ASTN1: variants seen among roughly 807,000 people sequenced by gnomAD.
The protein encoded by ASTN1 is astrotactin 1.
Under a neutral mutation model 140.7 loss-of-function variants are expected in ASTN1, and 41 were observed. The ratio of observed to expected loss-of-function variants is 0.29; its 90% confidence interval spans 0.23 to 0.38. ASTN1 has a LOEUF of 0.38. ASTN1 is among the 10% of genes least tolerant of loss of function. ASTN1 has a pLI of 1.00. For synonymous variants in ASTN1, 640 were observed against 652.2 expected (o/e 0.98, Z 0.29); for missense variants, 1,479 against 1,678.8 (o/e 0.88, Z 2.08).
At chr1:177,080,632 G>T (rs945731978) in intron 1 of ASTN1, among the ~76,000 whole-genome samples, 6 of 152,186 alleles carry the variant, frequency 3.9e-5, no homozygotes, top group African/African-American at 4.8e-5. Context: ...CATAGCTCCT[G>T]CCTCTTCAGT....
At chr1:177,075,858 T>C (rs909454112) in intron 1 of ASTN1, among the ~76,000 whole-genome samples, 1 of 151,806 alleles carries the variant, frequency 6.6e-6, no homozygotes, top group African/African-American at 2.4e-5. Flanking sequence ...CCCAGACTGG[T>C]CTCAAACTCC....
intron 6 of ASTN1, among the ~76,000 whole-genome samples, chr1:177,024,072 A>G (rs1198386026): frequency 1.3e-5 from 2 of 152,236 alleles, no homozygotes; most frequent in Admixed American, 6.5e-5. Flanking sequence ...TAAATGATTC[A>G]GGGACTCTCA....
intron 2 of ASTN1, among the ~76,000 whole-genome samples, chr1:177,042,765 T>C (rs940662650): frequency 2.0e-5 from 3 of 152,366 alleles, no homozygotes; most frequent in African/African-American, 7.2e-5. Context: ...ACATTAATGA[T>C]GTTGTTTTAT....
chr1:177,114,825 C>T (rs961121402), intron 1 of ASTN1, among the ~76,000 whole-genome samples: 1 of 152,180 alleles, frequency 6.6e-6, no homozygotes, highest in African/African-American at 2.4e-5. Context: ...ACAGTCAAAA[C>T]TCTCCTTTTG....
At chr1:177,029,572 CT>C in intron 5 of ASTN1, 61 bp downstream of exon 5, 6 of 1,538,056 alleles carry the variant, frequency 3.9e-6, no homozygotes, top group Non-Finnish European at 5.4e-6. Flanking sequence ...ACCTCTTCGC[CT>C]TCCCCCGCCT....
intron 1 of ASTN1, among the ~76,000 whole-genome samples, chr1:177,079,693 G>A (rs865839934): frequency 5.3e-5 from 8 of 151,932 alleles, no homozygotes; most frequent in Non-Finnish European, 1.0e-4. Flanking sequence ...GAGAACACAA[G>A]TACTACAAAG....
intron 7 of ASTN1, among the ~76,000 whole-genome samples, chr1:177,016,160 A>G (rs1392010182): frequency 6.6e-6 from 1 of 152,132 alleles, no homozygotes; most frequent in Non-Finnish European, 1.5e-5. Context: ...CCTGAGCAAG[A>G]GCTTTTTTTA....
intron 7 of ASTN1, among the ~76,000 whole-genome samples, chr1:177,019,980 A>G (rs1675742087): frequency 6.6e-6 from 1 of 152,178 alleles, no homozygotes; most frequent in Non-Finnish European, 1.5e-5. Flanking sequence ...GACCTCCCAG[A>G]CTCAGGCAAT....
intron 2 of ASTN1, among the ~76,000 whole-genome samples, chr1:177,047,513 G>A (rs1167148911): frequency 1.3e-5 from 2 of 152,178 alleles, no homozygotes; most frequent in South Asian, 4.1e-4. Context: ...TTCCACTAGG[G>A]AGAGGACATA....
At chr1:176,920,840 C>T (rs560605016) in intron 16 of ASTN1, among the ~76,000 whole-genome samples, 7 of 152,290 alleles carry the variant, frequency 4.6e-5, no homozygotes, top group Admixed American at 4.6e-4. Flanking sequence ...ACTCAATACA[C>T]CTTTTTGAAT....
intron 5 of ASTN1, among the ~76,000 whole-genome samples, chr1:177,028,704 A>T (rs1172894793): frequency 1.3e-5 from 2 of 152,222 alleles, no homozygotes; most frequent in African/African-American, 4.8e-5. Flanking sequence ...GGGCTGCATG[A>T]TGGAGAGTTC....
intron 2 of ASTN1, among the ~76,000 whole-genome samples, chr1:177,059,074 A>G (rs1677950384): frequency 6.6e-6 from 1 of 152,098 alleles, no homozygotes; most frequent in Non-Finnish European, 1.5e-5. Context: ...TAATCACAAT[A>G]TTTATTTTTG....
At chr1:176,973,396 T>G (rs1286183015) in intron 8 of ASTN1, among the ~76,000 whole-genome samples, 1 of 152,200 alleles carries the variant, frequency 6.6e-6, no homozygotes, top group Non-Finnish European at 1.5e-5. Context: ...CCCACGCTCC[T>G]CTATCACTTC....
At position 176,864,292 on chromosome 1, in the gene ASTN1, C is replaced by T. The variant is rs1166521591; in HGVS notation, c.3877G>A (p.Glu1293Lys). 3.1e-6 allele frequency: 5 copies of T among 1,613,874 alleles called. No individual in the cohort carries two copies. The African/African-American group carries it at 6.7e-5, about 22-fold the overall frequency. ...IPYNDYGDSK[E>K]I ...TCCCTGGCCTTATGGTGCTAGATCTCTTTGCTGTCCCCATAGTCGTTGTAG... is the reference window on the plus strand; with the variant it reads ...TCCCTGGCCTTATGGTGCTAGATCTTTTTGCTGTCCCCATAGTCGTTGTAG... The change falls in exon 23 of 23, where the codon GAG becomes AAG. Residue 1293 changes from glutamate (E) to lysine (K), a missense_variant. Transcript: ENST00000361833.
intron 10 of ASTN1, 98 bp downstream of exon 10, chr1:176,958,247 C>T (rs1672502906): frequency 6.4e-7 from 1 of 1,570,794 alleles, no homozygotes; most frequent in Non-Finnish European, 8.6e-7. Context: ...TTCCTTTTAG[C>T]TTGTTGGGAC....
At chr1:177,155,426 C>G (rs1683196801) in intron 1 of ASTN1, among the ~76,000 whole-genome samples, 1 of 152,158 alleles carries the variant, frequency 6.6e-6, no homozygotes, top group Non-Finnish European at 1.5e-5. Flanking sequence ...CAAATACTAA[C>G]TATATCATAA....
rs190375872 is a variant in ASTN1, at chr1:177,010,456, G to T, written c.1523+4335C>A. Among the ~76,000 whole-genome samples, 228 of 152,352 alleles carry T rather than the reference G, an allele frequency of 1.5e-3. 1 individual carries two copies. Among genetic ancestry groups the T allele is most frequent in the African/African-American group, 5.3e-3 (221 of 41,582 alleles). ...GTTGCCAACCTCAAAGACCAAGGCT[G>T]TAACCTCAAACATTCCATGTTCTTT... On this transcript the variant is annotated intron_variant, in intron 8 of 22. Transcript: ENST00000361833.
intron 2 of ASTN1, among the ~76,000 whole-genome samples, chr1:177,057,282 A>G (rs985679023): frequency 7.2e-5 from 11 of 152,190 alleles, no homozygotes; most frequent in African/African-American, 2.4e-4. Flanking sequence ...CAAGCCCACA[A>G]TTTTGCTGAT....
chr1:176,918,429 C>T (rs1005817079), intron 16 of ASTN1, among the ~76,000 whole-genome samples: 3 of 152,108 alleles, frequency 2.0e-5, no homozygotes, highest in African/African-American at 7.2e-5. Context: ...ATTGACAGGC[C>T]TACATGAAGC....
Sources: allele counts gnomAD v4.1 joint callset (sites outside exome capture counted in the v4.1 genomes callset), GRCh38; gene constraint gnomAD v4.1.1; transcripts MANE v1.5; gene names NCBI Gene and HGNC (gene_info 2026-07-23, HGNC 2026-07-21).